Variants in CLASP2 observed in about 807,000 individuals in gnomAD.
CLASP2 encodes CLIP-associating protein 2.
CLASP2 carries 47 observed loss-of-function variants against 194.4 expected under a neutral mutation model. The ratio of observed to expected loss-of-function variants is 0.24; its 90% confidence interval spans 0.19 to 0.31. The LOEUF (loss-of-function observed/expected upper bound fraction) is 0.31, where lower values mean the gene tolerates loss of function less well. Among genes scored for constraint, CLASP2 ranks in the 10% least tolerant of loss-of-function variants. The probability of loss-of-function intolerance (pLI) is 1.00; values close to 1 mark genes in which losing one functional copy is unlikely to be tolerated. For missense variants in CLASP2, 1,445 were observed against 1,823.6 expected, an observed-to-expected ratio of 0.79 and a Z score of 3.78; for synonymous variants, 619 against 633.5, an observed-to-expected ratio of 0.98 and a Z score of 0.34.
Position 33,550,950 on chromosome 3 carries a change from C to T in CLASP2, c.3153+302G>A, listed in dbSNP as rs111455043. On this transcript the variant is annotated intron_variant, in intron 30 of 38. Coordinates refer to ENST00000682230, the MANE Select transcript of CLASP2 (RefSeq NM_001365631.1). ...GTCTAAAAATTGATAAATCAAACAACAGTGTAAGCTCTCATTTGAAATGTA... is the reference window on the plus strand; with the variant it reads ...GTCTAAAAATTGATAAATCAAACAATAGTGTAAGCTCTCATTTGAAATGTA... Among the ~76,000 whole-genome samples, 1,099 of 152,248 alleles carry T rather than the reference C, an allele frequency of 7.2e-3. 12 individuals carry two copies. Among genetic ancestry groups the T allele is most frequent in the African/African-American group, 0.024 (1,006 of 41,546 alleles).
intron 10 of CLASP2, 56 bp from the exon 11 acceptor site, chr3:33,622,336 G>A: frequency 7.4e-7 from 1 of 1,352,856 alleles, no homozygotes; most frequent in East Asian, 2.6e-5. Context: ...AAAAAAAGAA[G>A]CTACCTAAAC....
intron 7 of CLASP2, among the ~76,000 whole-genome samples, chr3:33,648,011 C>T (rs1217133301): frequency 1.4e-5 from 2 of 145,954 alleles, no homozygotes; most frequent in African/African-American, 5.1e-5. Context: ...CCAGCCTGGG[C>T]AACAGAGCGA....
intron 36 of CLASP2, among the ~76,000 whole-genome samples, 166 bp downstream of exon 36, chr3:33,515,857 T>A (rs1249457357): frequency 6.6e-6 from 1 of 152,222 alleles, no homozygotes; most frequent in Non-Finnish European, 1.5e-5. Context: ...TATCACTGTT[T>A]AATTCATTTA....
chr3:33,684,370 A>G lies in CLASP2; in HGVS notation c.633T>C (p.Ile211=). ...KVRMDLYKRG[I]PPARLEMIFA... is the part of the protein sequence containing the mutation. ...TTAGCAAGACTTACCTAGCAGGGGG[A>G]ATTCCTCTCTTATAAAGATCCATCC... is the stretch of plus-strand genomic sequence containing the variant. The change falls in exon 6 of 39, where the codon ATT becomes ATC. Residue 211 remains isoleucine, a synonymous_variant. Transcript: ENST00000682230. 1 of 1,582,776 alleles carries G rather than the reference A, an allele frequency of 6.3e-7. No homozygotes were observed. The highest frequency in any genetic ancestry group is 8.6e-7 in the Non-Finnish European group (1 of 1,164,912).
chr3:33,689,942 G>A lies in CLASP2; in HGVS notation c.275-10C>T, dbSNP rs181608554. ...ATTAAAGCTACAATAACTAAAGAAG[G>A]GGAGGGAGTAAAAGAGTAATTACTT... On this transcript the variant is annotated splice_polypyrimidine_tract_variant and intron_variant, in intron 2 of 38. Transcript: ENST00000682230. The A allele has an allele frequency of 3.4e-4, 527 of 1,537,938 alleles. No individual in the cohort carries two copies. In the African/African-American group the frequency reaches 4.7e-3, roughly 14 times the overall value.
intron 27 of CLASP2, among the ~76,000 whole-genome samples, chr3:33,563,593 A>G (rs562280787): frequency 6.6e-5 from 10 of 152,324 alleles, no homozygotes; most frequent in African/African-American, 2.2e-4. Context: ...GGTCTCTATC[A>G]CAACTACTCA....
chr3:33,529,084 A>C (rs190096483), intron 34 of CLASP2, among the ~76,000 whole-genome samples: 30 of 152,300 alleles, frequency 2.0e-4, no homozygotes, highest in Non-Finnish European at 3.4e-4. Flanking sequence ...CTGCCATAAA[A>C]AGAATAAAAT....
chr3:33,655,000 T>C (rs1240971159), intron 7 of CLASP2, among the ~76,000 whole-genome samples: 1 of 152,160 alleles, frequency 6.6e-6, no homozygotes, highest in Non-Finnish European at 1.5e-5. Flanking sequence ...ACAATCACAA[T>C]TTAAACCATT....
At chr3:33,564,850 A>T (rs1453064426) in intron 27 of CLASP2, among the ~76,000 whole-genome samples, 1 of 152,162 alleles carries the variant, frequency 6.6e-6, no homozygotes. Flanking sequence ...TCATTCTCCC[A>T]AAGTGCTAGG....
intron 6 of CLASP2, among the ~76,000 whole-genome samples, chr3:33,677,319 G>A (rs1476079325): frequency 6.6e-6 from 1 of 150,772 alleles, no homozygotes; most frequent in Non-Finnish European, 1.5e-5. Flanking sequence ...GTCCAACAAT[G>A]ATAGACTGGA....
intron 27 of CLASP2, among the ~76,000 whole-genome samples, chr3:33,564,298 C>A (rs2062279495): frequency 6.6e-6 from 1 of 152,176 alleles, no homozygotes; most frequent in South Asian, 2.1e-4. Context: ...CAAGGGAAGA[C>A]CTTCCCTTTA....
chr3:33,591,777 C>G (rs989028192), intron 21 of CLASP2, among the ~76,000 whole-genome samples: 7 of 152,094 alleles, frequency 4.6e-5, no homozygotes, highest in Non-Finnish European at 1.0e-4. Flanking sequence ...TTAAATTTAA[C>G]ATGAATGAAA....
At chr3:33,622,542 A>C (rs1186091731) in intron 10 of CLASP2, among the ~76,000 whole-genome samples, 1 of 152,220 alleles carries the variant, frequency 6.6e-6, no homozygotes, top group East Asian at 1.9e-4. Context: ...TATAAATTCT[A>C]AAGTTTTAAG....
chr3:33,663,070 T>G (rs2085544232), intron 7 of CLASP2, among the ~76,000 whole-genome samples: 1 of 151,886 alleles, frequency 6.6e-6, no homozygotes, highest in Admixed American at 6.6e-5. Flanking sequence ...ACCCCACAAT[T>G]TCTATTAAAG....
intron 27 of CLASP2, among the ~76,000 whole-genome samples, chr3:33,563,703 T>C (rs1371397073): frequency 6.6e-6 from 1 of 152,230 alleles, no homozygotes; most frequent in East Asian, 1.9e-4. Flanking sequence ...AGGGAAGATG[T>C]GGCCTGCAGG....
chr3:33,564,587 T>A (rs1422136467), intron 27 of CLASP2, among the ~76,000 whole-genome samples: 2 of 152,280 alleles, frequency 1.3e-5, no homozygotes, highest in Admixed American at 6.5e-5. Flanking sequence ...TGTACTATTT[T>A]AAAAATTTTG....
intron 22 of CLASP2, among the ~76,000 whole-genome samples, chr3:33,582,999 T>C (rs986460275): frequency 2.0e-5 from 3 of 152,182 alleles, no homozygotes; most frequent in African/African-American, 7.2e-5. Context: ...TCAAAAAGCT[T>C]GACTCCTACA....
At chr3:33,533,861 C>T (rs891150173) in intron 34 of CLASP2, among the ~76,000 whole-genome samples, 19 of 152,196 alleles carry the variant, frequency 1.2e-4, no homozygotes, top group African/African-American at 3.4e-4. Flanking sequence ...GGATGACAGG[C>T]GCGTGCCACC....
At chr3:33,608,123 G>C (rs1187106834) in intron 14 of CLASP2, among the ~76,000 whole-genome samples, 1 of 152,090 alleles carries the variant, frequency 6.6e-6, no homozygotes, top group Non-Finnish European at 1.5e-5. Flanking sequence ...ACTAGACATT[G>C]CCCAGTATAT....
Sources: allele counts gnomAD v4.1 joint callset (sites outside exome capture counted in the v4.1 genomes callset), GRCh38; gene constraint gnomAD v4.1.1; transcripts MANE v1.5; gene names NCBI Gene and HGNC (gene_info 2026-07-23, HGNC 2026-07-21).